Variants in GADL1 observed in about 807,000 individuals in gnomAD.
GADL1 encodes GAD like acidic amino acid decarboxylase 1.
GADL1 carries 71 observed loss-of-function variants against 69.5 expected under a neutral mutation model. The ratio of observed to expected loss-of-function variants is 1.02; its 90% CI spans 0.84 to 1.25. The LOEUF (loss-of-function observed/expected upper bound fraction) is 1.25, where lower values mean the gene tolerates loss of function less well. Among genes scored for constraint, GADL1 ranks in the 50% most tolerant of loss-of-function variants. The probability of loss-of-function intolerance (pLI) is 0.00; values close to 1 mark genes in which losing one functional copy is unlikely to be tolerated. For missense variants in GADL1, 737 were observed against 631.8 expected, an observed-to-expected ratio of 1.17 and a Z score of -1.79; for synonymous variants, 254 against 214.4, an observed-to-expected ratio of 1.18 and a Z score of -1.62.
At chr3:30,882,478 G>T (rs1030145360) in intron 1 of GADL1, among the ~76,000 whole-genome samples, 7 of 151,826 alleles carry the variant, frequency 4.6e-5, no homozygotes, top group Admixed American at 1.3e-4. Flanking sequence ...TGTGATGAAG[G>T]TTTATCTACA....
rs556756646 is a variant in GADL1, at chr3:30,854,765, A to C, written c.362T>G (p.Leu121Trp). Reference protein sequence around the residue: ...KTNHPRFFNQLYAGLDYYSLV... With the variant: ...KTNHPRFFNQWYAGLDYYSLV... ...GGAGTAATAATCAAGTCCAGCATAC[A>C]ATTGGTTGAAAAATCTTGGGTGGTC... is the stretch of plus-strand genomic sequence containing the variant. The change falls in exon 4 of 15, where the codon TTG (leucine) becomes TGG (tryptophan). Residue 121 changes from leucine (L) to tryptophan (W), a missense_variant. Coordinates refer to ENST00000282538, the MANE Select transcript of GADL1 (RefSeq NM_207359.3). 1 of 1,548,968 alleles carries C rather than the reference A, an allele frequency of 6.5e-7. No individual in the cohort carries two copies.
intron 1 of GADL1, among the ~76,000 whole-genome samples, chr3:30,863,892 T>C (rs1389903): frequency 0.34 from 51,436 of 151,848 alleles, 9,223 homozygotes; most frequent in East Asian, 0.67. Flanking sequence ...ATGGTGTCTA[T>C]GAAAGCACCA....
chr3:30,782,593 T>C (rs78660493), intron 13 of GADL1, among the ~76,000 whole-genome samples: 6,357 of 152,180 alleles, frequency 0.042, 195 homozygotes, highest in South Asian at 0.067. Context: ...TACAAAGGCC[T>C]GGAGTTTAGG....
At chr3:30,756,949 G>A (rs1006191285) in intron 14 of GADL1, among the ~76,000 whole-genome samples, 1 of 152,176 alleles carries the variant, frequency 6.6e-6, no homozygotes, top group African/African-American at 2.4e-5. Context: ...AGTCCATGGG[G>A]GGGACATGTC....
At chr3:30,785,671 G>A (rs1011086993) in intron 13 of GADL1, among the ~76,000 whole-genome samples, 1 of 152,160 alleles carries the variant, frequency 6.6e-6, no homozygotes, top group Admixed American at 6.5e-5. Flanking sequence ...ACTGTGCCTA[G>A]CCAGCTACAT....
chr3:30,832,194 C>T (rs972964573), intron 11 of GADL1, among the ~76,000 whole-genome samples: 3 of 151,490 alleles, frequency 2.0e-5, no homozygotes, highest in Non-Finnish European at 2.9e-5. Context: ...AAATTGAAAA[C>T]GGTCTTTTCA....
At chr3:30,857,226 A>ACCCGCTGCCCAG (rs1189721874) in intron 2 of GADL1, 85 bp from the exon 3 acceptor site, 45 of 1,170,934 alleles carry the variant, frequency 3.8e-5, no homozygotes, top group Non-Finnish European at 5.4e-5. Flanking sequence ...CTACCATTAC[A>ACCCGCTGCCCAG]AAGCTTCTGG....
In GADL1 at chr3:30,778,207, CCTT is replaced by C; in HGVS notation, c.1361_1363del (p.Glu454del). On this transcript the variant is annotated inframe_deletion, in exon 14 of 15. Coordinates refer to ENST00000282538, the MANE Select transcript of GADL1 (RefSeq NM_207359.3). ...ATTAAGTTTTGCCCAGAACTCGGGT[CCTT>C]CTTCCATCTCTCTGAGGCTCGGTGG... The C allele has an allele frequency of 6.2e-7, 1 of 1,611,616 alleles. No individual in the cohort carries two copies. Among genetic ancestry groups the C allele is most frequent in the Non-Finnish European group, 8.5e-7 (1 of 1,177,880 alleles).
At chr3:30,887,538 G>T (rs762304459) in intron 1 of GADL1, among the ~76,000 whole-genome samples, 7 of 152,040 alleles carry the variant, frequency 4.6e-5, no homozygotes, top group Middle Eastern at 3.2e-3. Flanking sequence ...AAGCAAGAAG[G>T]TTCTCACTAG....
intron 14 of GADL1, among the ~76,000 whole-genome samples, chr3:30,734,195 G>A (rs1484225926): frequency 6.6e-6 from 1 of 152,174 alleles, no homozygotes; most frequent in Non-Finnish European, 1.5e-5. Context: ...AGATCACAAA[G>A]TCTCACATCG....
chr3:30,871,085 G>A (rs1435758806), intron 1 of GADL1, among the ~76,000 whole-genome samples: 3 of 149,606 alleles, frequency 2.0e-5, no homozygotes, highest in Admixed American at 2.0e-4. Context: ...GTGTGTCCAA[G>A]AAACTCAAGT....
intron 9 of GADL1, 40 bp from the exon 10 acceptor site, chr3:30,834,321 A>G (rs1384657481): frequency 2.6e-6 from 4 of 1,546,092 alleles, no homozygotes; most frequent in East Asian, 4.5e-5. Flanking sequence ...TGTTATTTCA[A>G]TGTTATTTGT....
intron 12 of GADL1, among the ~76,000 whole-genome samples, chr3:30,791,123 A>G (rs1462365209): frequency 6.6e-6 from 1 of 152,038 alleles, no homozygotes; most frequent in African/African-American, 2.4e-5. Context: ...TTCCCTTTTT[A>G]TATCTCCTTT....
chr3:30,767,632 C>T (rs1260806318), intron 14 of GADL1, among the ~76,000 whole-genome samples: 2 of 152,038 alleles, frequency 1.3e-5, no homozygotes, highest in East Asian at 3.9e-4. Context: ...ACAGTAAAGC[C>T]AGCAGGAGAT....
intron 14 of GADL1, among the ~76,000 whole-genome samples, chr3:30,777,500 G>A (rs1575200118): frequency 6.6e-6 from 1 of 152,178 alleles, no homozygotes; most frequent in African/African-American, 2.4e-5. Context: ...GTGGGATCAA[G>A]TAGTGTTACT....
chr3:30,731,477 T>C (rs1316309803), intron 14 of GADL1, among the ~76,000 whole-genome samples: 1 of 152,234 alleles, frequency 6.6e-6, no homozygotes, highest in African/African-American at 2.4e-5. Flanking sequence ...GTCACGTTTG[T>C]ATTTCTTGTG....
At chr3:30,813,623 T>C (rs1231212721) in intron 11 of GADL1, among the ~76,000 whole-genome samples, 1 of 152,252 alleles carries the variant, frequency 6.6e-6, no homozygotes. Flanking sequence ...AGTTTGAGCA[T>C]TCTTGAGAGG....
At chr3:30,822,864 C>T (rs1447510266) in intron 11 of GADL1, among the ~76,000 whole-genome samples, 1 of 151,916 alleles carries the variant, frequency 6.6e-6, no homozygotes, top group African/African-American at 2.4e-5. Flanking sequence ...TAACCTTTGA[C>T]TTAGGGTAGG....
At position 30,786,133 on chromosome 3, in the gene GADL1, A is replaced by T. The variant is rs553477865; in HGVS notation, c.1302+222T>A. ...TTATCCTTGGTAATTATTATTGAGC[A>T]TTTTAATTTTCAATACTTAAAGGCA... On this transcript the variant is annotated intron_variant, in intron 13 of 14. Coordinates refer to ENST00000282538, the MANE Select transcript of GADL1 (RefSeq NM_207359.3). 2.5e-4 allele frequency among the ~76,000 whole-genome samples: 38 copies of T among 152,334 alleles called. 1 individual carries two copies. The highest frequency in any genetic ancestry group is 8.9e-4 in the African/African-American group (37 of 41,580).
Sources: allele counts gnomAD v4.1 joint callset (sites outside exome capture counted in the v4.1 genomes callset), GRCh38; gene constraint gnomAD v4.1.1; transcripts MANE v1.5; gene names NCBI Gene and HGNC (gene_info 2026-07-23, HGNC 2026-07-21).